TNRC6C: variants seen among roughly 807,000 people sequenced by gnomAD.
TNRC6C encodes the protein trinucleotide repeat containing adaptor 6C.
In TNRC6C, 20 loss-of-function variants were observed where a neutral mutation model predicts 153.7. The observed-to-expected ratio is 0.13, with a 90% CI of 0.09 to 0.19. TNRC6C has a LOEUF of 0.19. Among genes scored for constraint, TNRC6C ranks in the 10% least tolerant of loss-of-function variants. The pLI is 1.00. For missense variants in TNRC6C, 1,987 were observed against 2,172.0 expected (o/e 0.91, Z 1.69); for synonymous variants, 811 against 841.4 (o/e 0.96, Z 0.63).
At chr17:78,023,817 CAAAA>C (rs986849615) in intron 1 of TNRC6C, among the ~76,000 whole-genome samples, 1 of 149,000 alleles carries the variant, frequency 6.7e-6, no homozygotes, top group African/African-American at 2.5e-5. Flanking sequence ...AAAAAACAAA[CAAAA>C]AAGCCTGGCC....
chr17:78,022,318 G>A (rs747094756), intron 1 of TNRC6C, among the ~76,000 whole-genome samples: 2 of 152,206 alleles, frequency 1.3e-5, no homozygotes, highest in Non-Finnish European at 2.9e-5. Flanking sequence ...CAGGCAGGTA[G>A]CACACAGGAA....
At chr17:78,055,073 T>C (rs1464614529) in intron 3 of TNRC6C, among the ~76,000 whole-genome samples, 1 of 152,260 alleles carries the variant, frequency 6.6e-6, no homozygotes, top group Non-Finnish European at 1.5e-5. Context: ...TGTAGACTGC[T>C]GTAGACTTGG....
Position 78,104,998 on chromosome 17 carries a change from C to G in TNRC6C, c.*153C>G, listed in dbSNP as rs2073666938. 7 of 1,052,702 alleles carry G rather than the reference C, an allele frequency of 6.6e-6. No individual in the cohort carries two copies. The highest frequency in any genetic ancestry group is 8.7e-6 in the Non-Finnish European group (7 of 803,730). The allele number at this position is 1,052,702 out of a possible 1,614,324, so 65.2% of individuals were successfully genotyped here. A position where few individuals can be genotyped will look rare whatever the true frequency, so the allele number is the denominator to read the frequency against. On this transcript the variant is annotated 3_prime_UTR_variant, in exon 20 of 20. Coordinates refer to ENST00000301624, the Ensembl canonical transcript of TNRC6C. The surrounding 1 kb of genome is among the most constrained non-coding windows in gnomAD (Gnocchi z 6.2). ...GAACCTTGGCCGCAGTCCTTGCGAACTGTTCGCAAAACAGTGCGGGCTGCG... is the reference window on the plus strand; with the variant it reads ...GAACCTTGGCCGCAGTCCTTGCGAAGTGTTCGCAAAACAGTGCGGGCTGCG...
chr17:78,026,991 G>A (rs574569889), intron 1 of TNRC6C, among the ~76,000 whole-genome samples: 20 of 152,306 alleles, frequency 1.3e-4, no homozygotes, highest in East Asian at 5.8e-4. Context: ...AAGCTGATGA[G>A]TATATGGGAC....
exon 3 of TNRC6C, chr17:78,050,114 C>T (rs1046796536): frequency 9.3e-6 from 15 of 1,607,054 alleles, no homozygotes; most frequent in African/African-American, 2.7e-5. Flanking sequence ...AACCAGCATT[C>T]CAACAGTGAC....
intron 5 of TNRC6C, 108 bp downstream of exon 7, chr17:78,068,031 T>C: frequency 7.4e-7 from 1 of 1,357,966 alleles, no homozygotes; most frequent in African/African-American, 1.5e-5. Context: ...GTTCTCAAAG[T>C]AGTCTTAGGA....
intron 1 of TNRC6C, chr17:78,008,407 A>G (rs1382141963): frequency 2.0e-5 from 3 of 152,230 alleles, no homozygotes; most frequent in South Asian, 2.1e-4. Flanking sequence ...TGTGTGAAAC[A>G]CTATGCTGCC....
chr17:77,977,956 C>T (rs1035319603), intron 1 of TNRC6C, among the ~76,000 whole-genome samples: 34 of 135,350 alleles, frequency 2.5e-4, no homozygotes, highest in African/African-American at 7.3e-4. Flanking sequence ...AGTGCAGTGG[C>T]GCAATCTCGG....
intron 7 of TNRC6C, among the ~76,000 whole-genome samples, chr17:78,074,350 CA>C (rs1764422319): frequency 6.6e-6 from 1 of 152,190 alleles, no homozygotes; most frequent in African/African-American, 2.4e-5. Flanking sequence ...AACAGTGCCC[CA>C]ATTACTGATT....
chr17:77,986,034 C>T (rs937606352), intron 1 of TNRC6C, among the ~76,000 whole-genome samples: 5 of 152,044 alleles, frequency 3.3e-5, no homozygotes, highest in African/African-American at 9.7e-5. Context: ...TTCAGGCAAT[C>T]CACAGGATAT....
exon 3 of TNRC6C, chr17:78,050,346 C>A: frequency 1.9e-6 from 3 of 1,609,790 alleles, no homozygotes; most frequent in South Asian, 1.1e-5. Context: ...GGATTATAGA[C>A]CAAGGGCACA....
At chr17:78,078,096 T>G (rs2073116007) in intron 9 of TNRC6C, among the ~76,000 whole-genome samples, 1 of 152,178 alleles carries the variant, frequency 6.6e-6, no homozygotes, top group Non-Finnish European at 1.5e-5. Context: ...GTGTGCACAT[T>G]GTCCCAGTGT....
chr17:78,083,221 G>T, intron 11 of TNRC6C, 55 bp downstream of exon 13: 1 of 1,607,462 alleles, frequency 6.2e-7, no homozygotes. Flanking sequence ...CAGATGCACG[G>T]CACCTGCTGA....
At chr17:77,983,742 A>G (rs969770451) in intron 1 of TNRC6C, among the ~76,000 whole-genome samples, 2 of 152,168 alleles carry the variant, frequency 1.3e-5, no homozygotes, top group Non-Finnish European at 2.9e-5. Flanking sequence ...TTGTGTCTGT[A>G]TGTTTATATG....
intron 1 of TNRC6C, 23 bp downstream of exon 3, chr17:78,005,102 G>T: frequency 8.1e-7 from 1 of 1,228,284 alleles, no homozygotes; most frequent in Non-Finnish European, 1.0e-6. Context: ...ATATTTAGGG[G>T]GGTACATTTA....
chr17:78,100,109 C>T, intron 17 of TNRC6C, among the ~76,000 whole-genome samples: 1 of 152,238 alleles, frequency 6.6e-6, no homozygotes, highest in East Asian at 1.9e-4. Flanking sequence ...TACAGCCTCC[C>T]TCTTGGCTGT....
chr17:78,001,638 G>C (rs1487091381), upstream of TNRC6C, among the ~76,000 whole-genome samples: 2 of 152,118 alleles, frequency 1.3e-5, no homozygotes, highest in Non-Finnish European at 2.9e-5. Flanking sequence ...TTGCAAAAAA[G>C]TTTCTATAAC....
At chr17:77,990,853 A>G (rs2071239320) in intron 1 of TNRC6C, among the ~76,000 whole-genome samples, 1 of 152,124 alleles carries the variant, frequency 6.6e-6, no homozygotes, top group Non-Finnish European at 1.5e-5. Context: ...AGGGTCAATC[A>G]GTTTGATTTG....
chr17:77,982,602 C>T (rs1198785400), intron 1 of TNRC6C, among the ~76,000 whole-genome samples: 3 of 152,174 alleles, frequency 2.0e-5, no homozygotes, highest in Non-Finnish European at 2.9e-5. Flanking sequence ...GAGGCTGAGG[C>T]GGGCAGATCA....
Sources: gnomAD v4.1 joint callset for allele counts (sites outside exome capture counted in the v4.1 genomes callset) on GRCh38, gnomAD v4.1.1 for gene constraint, Gnocchi (gnomAD v3.1) non-coding constraint, MANE v1.5 for transcripts, NCBI Gene and HGNC (gene_info 2026-07-23, HGNC 2026-07-21) for gene names.